The following GABBR2 variants were observed in gnomAD, a reference collection of about 807,000 sequenced individuals.
GABBR2 encodes G-protein coupled receptor 51.
GABBR2 carries 23 observed loss-of-function variants against 105.6 expected under a neutral mutation model. The observed-to-expected ratio is 0.22, with a 90% confidence interval of 0.16 to 0.31. The LOEUF (loss-of-function observed/expected upper bound fraction) is 0.31, where lower values mean the gene tolerates loss of function less well. Among genes scored for constraint, GABBR2 ranks in the 10% least tolerant of loss-of-function variants. The pLI is 1.00. For missense variants in GABBR2, 734 were observed against 1,245.5 expected (o/e 0.59, Z 6.18); for synonymous variants, 478 against 499.7 (o/e 0.96, Z 0.58).
intron 14 of GABBR2, among the ~76,000 whole-genome samples, chr9:98,307,481 G>A (rs1345108682): frequency 6.6e-6 from 1 of 152,086 alleles, no homozygotes; most frequent in Admixed American, 6.5e-5. Context: ...TCTTCCCTTC[G>A]GCTTCAGCAG....
chr9:98,442,637 A>G (rs992126198), intron 7 of GABBR2, among the ~76,000 whole-genome samples: 2 of 152,208 alleles, frequency 1.3e-5, no homozygotes, highest in Non-Finnish European at 2.9e-5. Context: ...TGCTTGGGCC[A>G]TCATCACAAA....
chr9:98,374,020 G>A (rs925082080), intron 11 of GABBR2, among the ~76,000 whole-genome samples: 2 of 151,936 alleles, frequency 1.3e-5, no homozygotes, highest in Non-Finnish European at 2.9e-5. Context: ...ACCATGCCCA[G>A]CTAATTTTTT....
In GABBR2 at chr9:98,350,234, C is replaced by G. The variant is rs189006910; in HGVS notation, c.1893+12481G>C. 5.3e-3 allele frequency among the ~76,000 whole-genome samples: 788 copies of G among 147,834 alleles called. 9 individuals are homozygous for G. Among genetic ancestry groups the G allele is most frequent in the Non-Finnish European group, 9.1e-3 (611 of 67,202 alleles). Reference sequence around the variant, plus strand: ...TTCATCCTTTGTATTTTTTTAGCCTCTATTTCATTTAATCCTGCTCTGATA... The same window carrying G: ...TTCATCCTTTGTATTTTTTTAGCCTGTATTTCATTTAATCCTGCTCTGATA... On this transcript the variant is annotated intron_variant, in intron 13 of 18. Transcript: ENST00000259455.
At chr9:98,442,820 C>A (rs1003134996) in intron 7 of GABBR2, among the ~76,000 whole-genome samples, 2 of 152,174 alleles carry the variant, frequency 1.3e-5, no homozygotes, top group African/African-American at 4.8e-5. Flanking sequence ...GATATAGAAA[C>A]CTCATCCGTA....
In GABBR2 at chr9:98,390,375, C is replaced by CAAAAAAAAAAAAAAAAAAA. The variant is rs61216428; in HGVS notation, c.1379-1390_1379-1372dup. On this transcript the variant is annotated intron_variant, in intron 9 of 18. Transcript: ENST00000259455. Reference sequence around the variant, plus strand: ...GGTGACAGAGCAAGACTCCATCTCACAAAAAAAAAAAAAAAAAAAAAAAAA... The same window carrying CAAAAAAAAAAAAAAAAAAA: ...GGTGACAGAGCAAGACTCCATCTCACAAAAAAAAAAAAAAAAAAAAAAAAAAAAAAAAAAAAAAAAAAAA... Among the ~76,000 whole-genome samples, 20 of 32,438 alleles carry CAAAAAAAAAAAAAAAAAAA rather than the reference C, an allele frequency of 6.2e-4. 2 individuals are homozygous for CAAAAAAAAAAAAAAAAAAA. The highest frequency in any genetic ancestry group is 1.6e-3 in the African/African-American group (16 of 9,948). 21.3% of individuals were successfully genotyped at this position (32,438 alleles called of 152,430 possible).
At position 98,306,422 on chromosome 9, in the gene GABBR2, G is replaced by T; in HGVS notation, c.2005-77C>A. 7 of 786,724 alleles carry T rather than the reference G, an allele frequency of 8.9e-6. No homozygotes were observed. Among genetic ancestry groups the T allele is most frequent in the Middle Eastern group, 2.5e-4 (1 of 4,008 alleles). 48.7% of individuals were successfully genotyped at this position (786,724 alleles called of 1,614,324 possible). A position where few individuals can be genotyped will look rare whatever the true frequency, so the allele number is the denominator to read the frequency against. ...ACACAGGCTGCTCTGAGAAGCTGTG[G>T]AGTGGAGGGTTACTCAGGAGGTGGG... On this transcript the variant is annotated intron_variant, in intron 14 of 18. Coordinates refer to ENST00000259455, the MANE Select transcript of GABBR2 (RefSeq NM_005458.8). The surrounding 1 kb of genome is among the most constrained non-coding windows in gnomAD (Gnocchi z 5.4).
intron 1 of GABBR2, among the ~76,000 whole-genome samples, chr9:98,705,314 A>C (rs868016099): frequency 8.4e-4 from 128 of 152,350 alleles, no homozygotes; most frequent in African/African-American, 2.8e-3. Flanking sequence ...GGTTTTGAAA[A>C]TCTACCACTA....
chr9:98,561,077 G>T (rs932641478), intron 2 of GABBR2, among the ~76,000 whole-genome samples: 1 of 151,730 alleles, frequency 6.6e-6, no homozygotes, highest in South Asian at 2.1e-4. Flanking sequence ...CAATATTCAC[G>T]CCTTGCTTTT....
At chr9:98,620,251 C>CTCTA (rs71997149) in intron 1 of GABBR2, among the ~76,000 whole-genome samples, 1 of 150,888 alleles carries the variant, frequency 6.6e-6, no homozygotes, top group African/African-American at 2.4e-5. Flanking sequence ...CTCTCTTTCT[C>CTCTA]TCTCTCTCTC....
chr9:98,685,845 C>A (rs913149001), intron 1 of GABBR2, among the ~76,000 whole-genome samples: 1 of 152,112 alleles, frequency 6.6e-6, no homozygotes, highest in Non-Finnish European at 1.5e-5. Flanking sequence ...CACACACACA[C>A]CATCATCCCC....
intron 1 of GABBR2, among the ~76,000 whole-genome samples, chr9:98,651,050 A>C (rs1253205603): frequency 2.0e-5 from 3 of 152,184 alleles, no homozygotes; most frequent in Non-Finnish European, 4.4e-5. Context: ...TGAACTGTAC[A>C]CTTAAAATGG....
At chr9:98,467,907 C>A (rs921301929) in intron 6 of GABBR2, among the ~76,000 whole-genome samples, 4 of 152,186 alleles carry the variant, frequency 2.6e-5, no homozygotes, top group African/African-American at 7.2e-5. Context: ...AGAAATCAAG[C>A]CAGAATTATA....
At chr9:98,593,282 C>A (rs1829173022) in intron 1 of GABBR2, among the ~76,000 whole-genome samples, 2 of 152,222 alleles carry the variant, frequency 1.3e-5, no homozygotes, top group African/African-American at 4.8e-5. Flanking sequence ...AACCCTGGGG[C>A]TTCTCAAGAG....
intron 4 of GABBR2, among the ~76,000 whole-genome samples, chr9:98,490,370 G>A (rs1359212814): frequency 6.6e-6 from 1 of 152,200 alleles, no homozygotes; most frequent in Non-Finnish European, 1.5e-5. Flanking sequence ...GTTCCTGATG[G>A]TGGGGGCAGG....
intron 2 of GABBR2, among the ~76,000 whole-genome samples, chr9:98,566,632 G>A (rs1469759365): frequency 6.6e-6 from 1 of 151,922 alleles, no homozygotes; most frequent in East Asian, 1.9e-4. Context: ...CCGAGATTGT[G>A]CCACTGCACT....
At chr9:98,516,650 C>A (rs892448431) in intron 3 of GABBR2, among the ~76,000 whole-genome samples, 1 of 152,182 alleles carries the variant, frequency 6.6e-6, no homozygotes, top group Non-Finnish European at 1.5e-5. Flanking sequence ...ACGCAGTACC[C>A]AGCCCCATTC....
chr9:98,380,483 A>G (rs904542762), intron 11 of GABBR2, among the ~76,000 whole-genome samples: 5 of 152,194 alleles, frequency 3.3e-5, no homozygotes, highest in Admixed American at 6.5e-5. Context: ...GGGATCCCAG[A>G]GCCGGGTCAG....
chr9:98,492,773 G>T (rs1186232563), intron 4 of GABBR2, among the ~76,000 whole-genome samples: 2 of 152,138 alleles, frequency 1.3e-5, no homozygotes, highest in Non-Finnish European at 2.9e-5. Flanking sequence ...TATGGGATTT[G>T]GGGAAGAAGA....
At chr9:98,415,250 T>C (rs907503015) in intron 7 of GABBR2, among the ~76,000 whole-genome samples, 2 of 152,228 alleles carry the variant, frequency 1.3e-5, no homozygotes, top group Non-Finnish European at 2.9e-5. Context: ...ATGGGTATTA[T>C]TTTAATAACA....
Sources: gnomAD v4.1 joint callset for allele counts (sites outside exome capture counted in the v4.1 genomes callset) on GRCh38, gnomAD v4.1.1 for gene constraint, Gnocchi (gnomAD v3.1) non-coding constraint, MANE v1.5 for transcripts, NCBI Gene and HGNC (gene_info 2026-07-23, HGNC 2026-07-21) for gene names.